The following KHDRBS2 variants were observed in gnomAD, a reference collection of about 807,000 sequenced individuals.
KHDRBS2 encodes the protein KH RNA binding domain containing, signal transduction associated 2, also known as KH domain-containing, RNA-binding, signal transduction-associated protein 2.
A neutral mutation model predicts 44.3 loss-of-function variants in KHDRBS2; 26 were observed. The observed-to-expected ratio is 0.59, with a 90% CI of 0.43 to 0.81. The LOEUF is 0.81. Ranked by LOEUF, KHDRBS2 falls within the 40% of genes least tolerant of loss-of-function variation. The pLI is 0.00. For missense variants in KHDRBS2, 476 were observed against 433.1 expected, an observed-to-expected ratio of 1.10 and a Z score of -0.88; for synonymous variants, 194 against 151.1, an observed-to-expected ratio of 1.28 and a Z score of -2.08.
intron 6 of KHDRBS2, among the ~76,000 whole-genome samples, chr6:61,789,971 C>A (rs1227981498): frequency 1.3e-5 from 2 of 151,158 alleles, no homozygotes; most frequent in African/African-American, 4.8e-5. Context: ...AATTGAAATT[C>A]TTGTGAAATA....
chr6:61,683,095 T>C (rs1323931435), intron 8 of KHDRBS2, among the ~76,000 whole-genome samples: 1 of 151,872 alleles, frequency 6.6e-6, no homozygotes, highest in Non-Finnish European at 1.5e-5. Context: ...ATTTAAGAGC[T>C]GAGACAATAG....
intron 7 of KHDRBS2, among the ~76,000 whole-genome samples, chr6:61,703,479 T>C (rs995226736): frequency 4.0e-5 from 6 of 151,838 alleles, no homozygotes; most frequent in African/African-American, 1.4e-4. Context: ...TTAAATTTTG[T>C]TCTCATCAGC....
At chr6:61,665,987 T>C in the KHDRBS2 span, among the ~76,000 whole-genome samples, 11 of 151,168 alleles carry the variant, frequency 7.3e-5, no homozygotes, top group South Asian at 1.3e-3. Flanking sequence ...TGATGTTGCT[T>C]ATGATTTTAT....
At chr6:61,951,992 C>T (rs1334296602) in intron 4 of KHDRBS2, among the ~76,000 whole-genome samples, 1 of 151,964 alleles carries the variant, frequency 6.6e-6, no homozygotes, top group Non-Finnish European at 1.5e-5. Context: ...GATCAGAATT[C>T]TGAAATTATA....
At chr6:61,858,696 T>C (rs1418763874) in intron 6 of KHDRBS2, among the ~76,000 whole-genome samples, 3 of 151,900 alleles carry the variant, frequency 2.0e-5, no homozygotes, top group Admixed American at 6.6e-5. Flanking sequence ...AAATCAAATT[T>C]TCCACTATTT....
chr6:61,893,643 G>T (rs543118687), intron 6 of KHDRBS2, among the ~76,000 whole-genome samples: 11 of 151,928 alleles, frequency 7.2e-5, no homozygotes, highest in African/African-American at 2.7e-4. Flanking sequence ...GCAAACTATC[G>T]CAAAGACAAA....
At chr6:61,826,546 C>A (rs897818030) in intron 6 of KHDRBS2, among the ~76,000 whole-genome samples, 1 of 151,998 alleles carries the variant, frequency 6.6e-6, no homozygotes, top group Admixed American at 6.6e-5. Context: ...ACTTCACCAT[C>A]CCTAGTTGAA....
chr6:61,882,819 T>C (rs1254072254), intron 6 of KHDRBS2, among the ~76,000 whole-genome samples: 1 of 152,040 alleles, frequency 6.6e-6, no homozygotes, highest in African/African-American at 2.4e-5. Flanking sequence ...TAACCATTCC[T>C]GTAAGGCTTT....
At chr6:61,546,287 G>C in the KHDRBS2 span, among the ~76,000 whole-genome samples, 1 of 151,864 alleles carries the variant, frequency 6.6e-6, no homozygotes, top group East Asian at 1.9e-4. Context: ...TTATGAAATA[G>C]AATGTAAAAA....
chr6:62,119,699 C>T (rs1469593707), intron 2 of KHDRBS2, among the ~76,000 whole-genome samples: 1 of 152,180 alleles, frequency 6.6e-6, no homozygotes, highest in Non-Finnish European at 1.5e-5. Flanking sequence ...AAACAGCCTC[C>T]CTGCCCCCAG....
chr6:62,227,869 A>G (rs1832180930), intron 1 of KHDRBS2, among the ~76,000 whole-genome samples: 1 of 152,180 alleles, frequency 6.6e-6, no homozygotes, highest in Admixed American at 6.5e-5. Context: ...CCTAGGGATG[A>G]AGCCAATTTG....
chr6:61,574,521 G>A, the KHDRBS2 span: 2 of 666,348 alleles, frequency 3.0e-6, no homozygotes, highest in Non-Finnish European at 4.8e-6. Context: ...GGCGACCTCG[G>A]AGTATAACCC....
At chr6:61,677,760 C>G (rs1382146403), downstream of KHDRBS2, among the ~76,000 whole-genome samples, 1 of 151,816 alleles carries the variant, frequency 6.6e-6, no homozygotes, top group East Asian at 2.0e-4. Context: ...GTAAGTCTGC[C>G]CCTCAGGGCC....
chr6:62,133,902 A>G (rs1584891760), intron 2 of KHDRBS2, among the ~76,000 whole-genome samples: 2 of 152,316 alleles, frequency 1.3e-5, no homozygotes, highest in South Asian at 4.1e-4. Context: ...AGAAATTTCT[A>G]AAAAGCAAAG....
At chr6:61,910,071 C>T (rs1805775885) in intron 4 of KHDRBS2, among the ~76,000 whole-genome samples, 1 of 152,182 alleles carries the variant, frequency 6.6e-6, no homozygotes, top group South Asian at 2.1e-4. Context: ...TTCTCAGCTC[C>T]TACAAACAGA....
intron 2 of KHDRBS2, among the ~76,000 whole-genome samples, chr6:62,104,478 G>A (rs963584794): frequency 2.6e-5 from 4 of 151,840 alleles, no homozygotes; most frequent in African/African-American, 4.8e-5. Flanking sequence ...ATAAAATTGG[G>A]TATCAGTAAT....
chr6:61,883,895 A>T (rs1434368109), intron 6 of KHDRBS2, among the ~76,000 whole-genome samples: 1 of 152,028 alleles, frequency 6.6e-6, no homozygotes, highest in Non-Finnish European at 1.5e-5. Flanking sequence ...GAATACAAAT[A>T]TCCAGTCTAA....
At chr6:61,642,944 T>A in the KHDRBS2 span, among the ~76,000 whole-genome samples, 1 of 152,198 alleles carries the variant, frequency 6.6e-6, no homozygotes, top group Admixed American at 6.5e-5. Context: ...GTGAAAATAC[T>A]TAAAATGTGG....
chr6:62,255,919 G>A (rs1837325798), intron 1 of KHDRBS2, among the ~76,000 whole-genome samples: 1 of 151,746 alleles, frequency 6.6e-6, no homozygotes, highest in African/African-American at 2.4e-5. Context: ...ATAACTTGAG[G>A]TCAGGAGTTC....
Sources: allele counts gnomAD v4.1 joint callset (sites outside exome capture counted in the v4.1 genomes callset), GRCh38; gene constraint gnomAD v4.1.1; transcripts MANE v1.5; gene names NCBI Gene and HGNC (gene_info 2026-07-23, HGNC 2026-07-21).